NRG3: variants seen among roughly 807,000 people sequenced by gnomAD.
The protein encoded by NRG3 is neuregulin 3.
Under a neutral mutation model 66.9 loss-of-function variants are expected in NRG3, and 31 were observed. The observed-to-expected ratio is 0.46, with a 90% confidence interval of 0.35 to 0.63. NRG3 has a LOEUF of 0.63. NRG3 is among the 20% of genes least tolerant of loss of function. The probability of loss-of-function intolerance (pLI) is 0.00; values close to 1 mark genes in which losing one functional copy is unlikely to be tolerated. For synonymous variants in NRG3, 393 were observed against 359.4 expected, an observed-to-expected ratio of 1.09 and a Z score of -1.06; for missense variants, 910 against 878.9, an observed-to-expected ratio of 1.04 and a Z score of -0.45.
At chr10:82,270,591 A>G (rs1274984313) in intron 1 of NRG3, among the ~76,000 whole-genome samples, 1 of 152,104 alleles carries the variant, frequency 6.6e-6, no homozygotes, top group Non-Finnish European at 1.5e-5. Flanking sequence ...ATTACAAGGC[A>G]GAGTCTTAAT....
At chr10:82,443,868 T>C (rs1173502696) in intron 2 of NRG3, among the ~76,000 whole-genome samples, 1 of 152,190 alleles carries the variant, frequency 6.6e-6, no homozygotes, top group Non-Finnish European at 1.5e-5. Context: ...AGTTCCTCCA[T>C]AGTGCTTTCA....
At chr10:82,158,939 A>G (rs532263146) in intron 1 of NRG3, among the ~76,000 whole-genome samples, 7 of 152,046 alleles carry the variant, frequency 4.6e-5, no homozygotes, top group Admixed American at 3.3e-4. Context: ...AATACATGAC[A>G]AGAATATTAT....
chr10:82,345,540 A>G (rs2082956384), intron 1 of NRG3, among the ~76,000 whole-genome samples: 3 of 151,444 alleles, frequency 2.0e-5, no homozygotes, highest in African/African-American at 2.4e-5. Flanking sequence ...TTGACTTGGC[A>G]ATGTGGGCTC....
intron 1 of NRG3, among the ~76,000 whole-genome samples, chr10:82,010,913 CAT>C (rs1181513135): frequency 6.6e-6 from 1 of 152,192 alleles, no homozygotes; most frequent in African/African-American, 2.4e-5. Flanking sequence ...TCTTGTGACA[CAT>C]GAGACGCTTC....
At chr10:82,461,729 A>G (rs542414959) in intron 2 of NRG3, among the ~76,000 whole-genome samples, 2 of 152,368 alleles carry the variant, frequency 1.3e-5, no homozygotes, top group Non-Finnish European at 2.9e-5. Context: ...TACTTGATAC[A>G]GGTGCATTGA....
intron 2 of NRG3, among the ~76,000 whole-genome samples, chr10:82,419,489 CT>C (rs1003191865): frequency 3.9e-5 from 6 of 152,104 alleles, no homozygotes; most frequent in African/African-American, 1.4e-4. Flanking sequence ...TGTTTCTGTA[CT>C]TTTGCAAGTT....
At chr10:82,853,671 A>C (rs754284107) in intron 3 of NRG3, among the ~76,000 whole-genome samples, 2 of 152,130 alleles carry the variant, frequency 1.3e-5, no homozygotes, top group Middle Eastern at 6.3e-3. Context: ...ACTTTGCTAG[A>C]TTCATTTATC....
At chr10:82,930,359 A>G (rs1266876100) in intron 4 of NRG3, among the ~76,000 whole-genome samples, 1 of 152,212 alleles carries the variant, frequency 6.6e-6, no homozygotes, top group Non-Finnish European at 1.5e-5. Flanking sequence ...TATTTAATTA[A>G]TAGAATTTAT....
At chr10:82,812,540 T>C (rs541561049) in intron 3 of NRG3, among the ~76,000 whole-genome samples, 19 of 152,298 alleles carry the variant, frequency 1.2e-4, no homozygotes, top group African/African-American at 4.1e-4. Context: ...TATAGTAAAA[T>C]GTGGGTGAAA....
intron 1 of NRG3, among the ~76,000 whole-genome samples, chr10:82,205,644 C>T (rs2075081280): frequency 6.6e-6 from 1 of 152,138 alleles, no homozygotes; most frequent in Admixed American, 6.6e-5. Flanking sequence ...TCACAGTCTT[C>T]ACCAATAGTG....
intron 7 of NRG3, among the ~76,000 whole-genome samples, chr10:82,974,414 T>C (rs1216931824): frequency 6.6e-6 from 1 of 152,188 alleles, no homozygotes; most frequent in African/African-American, 2.4e-5. Flanking sequence ...TTCCCAGAAA[T>C]TGGCTGCTTT....
chr10:81,943,606 C>A (rs1048763423), intron 1 of NRG3, among the ~76,000 whole-genome samples: 4 of 152,206 alleles, frequency 2.6e-5, no homozygotes, highest in Admixed American at 2.6e-4. Flanking sequence ...TGTAAAGATA[C>A]TCTGCCTAGA....
intron 4 of NRG3, among the ~76,000 whole-genome samples, chr10:82,941,087 C>G (rs1848539626): frequency 6.6e-6 from 1 of 152,128 alleles, no homozygotes; most frequent in Non-Finnish European, 1.5e-5. Flanking sequence ...TCCTGGTCAT[C>G]TCAGCTTCTC....
intron 1 of NRG3, among the ~76,000 whole-genome samples, chr10:82,183,964 G>A (rs950409442): frequency 7.9e-5 from 12 of 152,086 alleles, no homozygotes; most frequent in African/African-American, 2.9e-4. Flanking sequence ...TACAGAGTAA[G>A]TCCTGCCTCA....
intron 2 of NRG3, among the ~76,000 whole-genome samples, chr10:82,479,715 C>A (rs1842093522): frequency 6.7e-6 from 1 of 150,054 alleles, no homozygotes; most frequent in African/African-American, 2.5e-5. Context: ...TGCCTGTAAT[C>A]CCAGCACGTT....
At chr10:82,004,028 C>CACACACACACACACACACAT (rs1444609157) in intron 1 of NRG3, among the ~76,000 whole-genome samples, 6 of 145,630 alleles carry the variant, frequency 4.1e-5, no homozygotes, top group African/African-American at 1.5e-4. Flanking sequence ...CACACACACA[C>CACACACACACACACACACAT]ACACACAGAT....
intron 1 of NRG3, among the ~76,000 whole-genome samples, chr10:81,982,869 G>A (rs6584433): frequency 0.46 from 69,920 of 152,106 alleles, 20,265 homozygotes; most frequent in African/African-American, 0.79. Flanking sequence ...AGACAGTTTC[G>A]TAACTTAACA....
At chr10:82,727,379 G>A (rs1386650512) in intron 2 of NRG3, among the ~76,000 whole-genome samples, 1 of 152,186 alleles carries the variant, frequency 6.6e-6, no homozygotes, top group Non-Finnish European at 1.5e-5. Flanking sequence ...GCTATGTGCA[G>A]TCTAGGGACT....
At chr10:82,418,881 A>G (rs2088841755) in intron 2 of NRG3, among the ~76,000 whole-genome samples, 1 of 152,086 alleles carries the variant, frequency 6.6e-6, no homozygotes. Context: ...ATTACAGAAT[A>G]CTTAAAAATA....
Sources: allele counts gnomAD v4.1 joint callset (sites outside exome capture counted in the v4.1 genomes callset), GRCh38; gene constraint gnomAD v4.1.1; transcripts MANE v1.5; gene names NCBI Gene and HGNC (gene_info 2026-07-23, HGNC 2026-07-21).